PRSS35: variants seen among roughly 807,000 people sequenced by gnomAD.
The protein encoded by PRSS35 is serine protease 35.
Under a neutral mutation model 8.1 loss-of-function variants are expected in PRSS35, and 7 were observed. The ratio of observed to expected loss-of-function variants is 0.86; its 90% CI spans 0.49 to 1.62. The LOEUF (loss-of-function observed/expected upper bound fraction) is 1.62, where lower values mean the gene tolerates loss of function less well. Ranked by LOEUF, PRSS35 falls within the 40% of genes most tolerant of loss-of-function variation. The probability of loss-of-function intolerance (pLI) is 0.00; values close to 1 mark genes in which losing one functional copy is unlikely to be tolerated. For synonymous variants in PRSS35, 199 were observed against 188.7 expected, an observed-to-expected ratio of 1.05 and a Z score of -0.45; for missense variants, 566 against 518.0, an observed-to-expected ratio of 1.09 and a Z score of -0.90.
Position 83,523,839 on chromosome 6 carries a change from TC to T in PRSS35, c.399del (p.Leu134TrpfsTer6). 1 of 1,614,204 alleles carries T rather than the reference TC, an allele frequency of 6.2e-7. No individual in the cohort carries two copies. Among genetic ancestry groups the T allele is most frequent in the South Asian group, 1.1e-5 (1 of 91,076 alleles). On this transcript the variant is annotated frameshift_variant, in exon 2 of 2. Coordinates refer to ENST00000369700, the MANE Select transcript of PRSS35 (RefSeq NM_153362.3). LOFTEE classifies it low-confidence loss of function (END_TRUNC). ...TATGGCACCGACAGCAGGTTCAGCA[TC>T]TTGGACAAAAGGTTCTTAACCAATT... ...QVYGTDSRFS[I>X]LDKRFLTNFP... is the part of the protein sequence containing the mutation.
intron 1 of PRSS35, among the ~76,000 whole-genome samples, chr6:83,516,756 T>C (rs1771727182): frequency 6.6e-6 from 1 of 152,122 alleles, no homozygotes; most frequent in African/African-American, 2.4e-5. Context: ...CTCATATTCC[T>C]CAGCTCATGA....
At position 83,524,589 on chromosome 6, in the gene PRSS35, A is replaced by T; in HGVS notation, c.1148A>T (p.Lys383Met). 1 of 1,614,194 alleles carries T rather than the reference A, an allele frequency of 6.2e-7. No homozygotes were observed. The highest frequency in any genetic ancestry group is 8.5e-7 in the Non-Finnish European group (1 of 1,180,040). The change falls in exon 2 of 2, where the codon AAG becomes ATG. Residue 383 changes from lysine to methionine, a missense_variant. Physicochemically the swap from Lys to Met is moderately conservative, Grantham distance 95. Transcript: ENST00000369700. The stretch of plus-strand genomic sequence containing the variant: ...TGGGTGGATGTCCACGGGGTTCAGA[A>T]GGACTACAACGTTGCTGTTCGCATC... Reference protein sequence around the residue: ...HQWVDVHGVQKDYNVAVRITP... With the variant: ...HQWVDVHGVQMDYNVAVRITP...
At chr6:83,516,037 A>T (rs1278604416) in intron 1 of PRSS35, among the ~76,000 whole-genome samples, 1 of 151,164 alleles carries the variant, frequency 6.6e-6, no homozygotes, top group African/African-American at 2.4e-5. Flanking sequence ...CTGGTCTGGA[A>T]CTCCTCACCT....
intron 1 of PRSS35, among the ~76,000 whole-genome samples, chr6:83,514,218 A>G (rs1189465143): frequency 6.6e-5 from 10 of 152,196 alleles, no homozygotes. Flanking sequence ...AAAAATACAG[A>G]TAAGTCTAGA....
rs766090161 is a variant in PRSS35, at chr6:83,523,839, T to C, written c.398T>C (p.Ile133Thr). The C allele has an allele frequency of 6.2e-7, 1 of 1,614,204 alleles. No individual in the cohort carries two copies. Among genetic ancestry groups the C allele is most frequent in the Non-Finnish European group, 8.5e-7 (1 of 1,180,044 alleles). Residue 133 changes from isoleucine to threonine, a missense_variant, in exon 2 of 2, where the codon ATC becomes ACC. By Grantham distance (89) the Ile-to-Thr change is moderately conservative. Transcript: ENST00000369700. ...TATGGCACCGACAGCAGGTTCAGCA[T>C]CTTGGACAAAAGGTTCTTAACCAAT... is the stretch of plus-strand genomic sequence containing the variant. The part of the protein sequence containing the change: ...QVYGTDSRFS[I>T]LDKRFLTNFP...
intron 1 of PRSS35, among the ~76,000 whole-genome samples, chr6:83,520,415 G>A (rs1771799380): frequency 6.6e-6 from 1 of 152,160 alleles, no homozygotes; most frequent in Non-Finnish European, 1.5e-5. Flanking sequence ...GTCTGGGGCA[G>A]GCCCTGAGAA....
intron 1 of PRSS35, among the ~76,000 whole-genome samples, chr6:83,517,139 A>G (rs1374669557): frequency 6.6e-6 from 1 of 152,190 alleles, no homozygotes; most frequent in Non-Finnish European, 1.5e-5. Flanking sequence ...GTTTCTCACA[A>G]AAATATTCTC....
At position 83,524,139 on chromosome 6, in the gene PRSS35, G is replaced by T; in HGVS notation, c.698G>T (p.Arg233Ile). ...GAGAGAGCGAAGGGTGGGAGAAGAA[G>T]AAAAAAATCTGGCCGGGGTCAGAGG... The part of the protein sequence containing the change: ...LRERAKGGRR[R>I]KKSGRGQRIA... The change falls in exon 2 of 2, where the codon AGA becomes ATA. Residue 233 changes from arginine (R) to isoleucine (I), a missense_variant. Transcript: ENST00000369700. 1 of 1,613,964 alleles carries T rather than the reference G, an allele frequency of 6.2e-7. No individual in the cohort carries two copies. Among genetic ancestry groups the T allele is most frequent in the South Asian group, 1.1e-5 (1 of 91,066 alleles).
chr6:83,523,423 A>G lies in PRSS35; in HGVS notation c.-19A>G, dbSNP rs1771858199. The G allele has an allele frequency of 6.3e-7, 1 of 1,589,340 alleles. No homozygotes were observed. The highest frequency in any genetic ancestry group is 1.4e-5 in the African/African-American group (1 of 73,486). On this transcript the variant is annotated splice_region_variant and 5_prime_UTR_variant, in exon 2 of 2. Transcript: ENST00000369700. ...CCTCTCTCTTTTTCTATTTTTAAGGACAAAATTAGAAGATCAAAATGGAAA... is the reference window on the plus strand; with the variant it reads ...CCTCTCTCTTTTTCTATTTTTAAGGGCAAAATTAGAAGATCAAAATGGAAA...
intron 1 of PRSS35, among the ~76,000 whole-genome samples, chr6:83,514,863 G>C (rs1282143434): frequency 6.6e-6 from 1 of 152,194 alleles, no homozygotes; most frequent in African/African-American, 2.4e-5. Flanking sequence ...TGGCCTGTAG[G>C]TAGGTGGGTT....
At chr6:83,520,364 G>A (rs1210754342) in intron 1 of PRSS35, among the ~76,000 whole-genome samples, 5 of 152,152 alleles carry the variant, frequency 3.3e-5, no homozygotes, top group Non-Finnish European at 7.4e-5. Context: ...CTAGCTGGGA[G>A]TCACTCTCCA....
rs187744330 is a variant in PRSS35, at chr6:83,524,076, G to A, written c.635G>A (p.Gly212Asp). The A allele has an allele frequency of 1.7e-5, 28 of 1,614,078 alleles. No homozygotes were observed. The highest frequency in any genetic ancestry group is 2.3e-5 in the Non-Finnish European group (27 of 1,179,960). ...AAGAGGAGCAGGAGAGAAGCTAGTGGTGGTGACCAAAGAGAGGGTACCAGA... is the reference window on the plus strand; with the variant it reads ...AAGAGGAGCAGGAGAGAAGCTAGTGATGGTGACCAAAGAGAGGGTACCAGA... ...GSKRSRREASGGDQREGTREH... is the reference protein window; with the variant it reads ...GSKRSRREASDGDQREGTREH... Residue 212 changes from glycine (G) to aspartate (D), a missense_variant, in exon 2 of 2, where the codon GGT (glycine) becomes GAT (aspartate). Gly to Asp is a moderately conservative substitution (Grantham distance 94, BLOSUM62 -1). Transcript: ENST00000369700.
chr6:83,515,339 CTT>C (rs887438759), intron 1 of PRSS35, among the ~76,000 whole-genome samples: 6 of 152,146 alleles, frequency 3.9e-5, no homozygotes, highest in Non-Finnish European at 8.8e-5. Flanking sequence ...TGTTCTAATT[CTT>C]GTTTTTCCTC....
chr6:83,521,629 T>G (rs1771824257), intron 1 of PRSS35, among the ~76,000 whole-genome samples: 1 of 151,856 alleles, frequency 6.6e-6, no homozygotes, highest in South Asian at 2.1e-4. Context: ...GCTGAGTAGC[T>G]GGGACTACAG....
chr6:83,512,872 G>C (rs1583456077), intron 1 of PRSS35, among the ~76,000 whole-genome samples, 178 bp downstream of exon 1: 2 of 152,112 alleles, frequency 1.3e-5, no homozygotes, highest in South Asian at 4.1e-4. Flanking sequence ...TCTGTGTGCC[G>C]GCCTCTGCAC....
At chr6:83,522,261 A>G (rs546299536) in intron 1 of PRSS35, among the ~76,000 whole-genome samples, 1 of 152,282 alleles carries the variant, frequency 6.6e-6, no homozygotes. Flanking sequence ...GACTTGGAGC[A>G]TAGTTGGCAA....
At chr6:83,522,501 G>T (rs941733859) in intron 1 of PRSS35, among the ~76,000 whole-genome samples, 1 of 152,084 alleles carries the variant, frequency 6.6e-6, no homozygotes, top group Non-Finnish European at 1.5e-5. Context: ...CAAGAACACT[G>T]GTCTTAGATG....
intron 1 of PRSS35, among the ~76,000 whole-genome samples, chr6:83,521,813 T>C (rs2127713609): frequency 6.6e-6 from 1 of 152,210 alleles, no homozygotes; most frequent in Middle Eastern, 3.4e-3. Flanking sequence ...GCTTAATATT[T>C]CCAAATGTAT....
rs1771892524 is a variant in PRSS35, at chr6:83,524,354, G to A, written c.913G>A (p.Gly305Arg). Residue 305 changes from glycine (G) to arginine (R), a missense_variant, in exon 2 of 2, where the codon GGA (glycine) becomes AGA (arginine). Physicochemically the swap from Gly to Arg is moderately radical, Grantham distance 125 (BLOSUM62 -2). Coordinates refer to ENST00000369700, the MANE Select transcript of PRSS35 (RefSeq NM_153362.3). The part of the protein sequence containing the change: ...ISPTIKKMPG[G>R]MIHFSGFDND... ...CCCAACGATCAAGAAAATGCCTGGT[G>A]GAATGATCCACTTCTCAGGATTTGA... 1 of 1,614,138 alleles carries A rather than the reference G, an allele frequency of 6.2e-7. No homozygotes were observed. The highest frequency in any genetic ancestry group is 8.5e-7 in the Non-Finnish European group (1 of 1,180,022).
Sources: allele counts gnomAD v4.1 joint callset (sites outside exome capture counted in the v4.1 genomes callset), GRCh38; gene constraint gnomAD v4.1.1; transcripts MANE v1.5; gene names NCBI Gene and HGNC (gene_info 2026-07-23, HGNC 2026-07-21).